The following FGF12 variants were observed in gnomAD, a reference collection of about 807,000 sequenced individuals.
FGF12 encodes fibroblast growth factor 12, also known as fibroblast growth factor 12B.
FGF12 carries 14 observed loss-of-function variants against 23.6 expected under a neutral mutation model. The ratio of observed to expected loss-of-function variants is 0.59; its 90% CI spans 0.39 to 0.93. FGF12 has a LOEUF of 0.93. FGF12 is among the 40% of genes least tolerant of loss of function. FGF12 has a pLI of 0.00. For missense variants in FGF12, 175 were observed against 217.8 expected (o/e 0.80, Z 1.24); for synonymous variants, 62 against 77.3 (o/e 0.80, Z 1.04).
chr3:192,645,874 C>T (rs977508602), intron 2 of FGF12, among the ~76,000 whole-genome samples: 9 of 148,106 alleles, frequency 6.1e-5, no homozygotes, highest in East Asian at 2.0e-4. Flanking sequence ...AACAAATTTA[C>T]GTTAAGTTCC....
intron 2 of FGF12, among the ~76,000 whole-genome samples, chr3:192,575,715 AT>A (rs547618188): frequency 2.0e-3 from 301 of 150,642 alleles, no homozygotes; most frequent in African/African-American, 6.4e-3. Context: ...ATTCAGACTG[AT>A]TTTTTTTTAA....
intron 4 of FGF12, among the ~76,000 whole-genome samples, chr3:192,270,629 T>A (rs1363653270): frequency 6.6e-6 from 1 of 152,150 alleles, no homozygotes; most frequent in African/African-American, 2.4e-5. Flanking sequence ...TATGTATCCT[T>A]CACTATTTCA....
At chr3:192,249,989 T>G (rs770061385) in intron 4 of FGF12, among the ~76,000 whole-genome samples, 3 of 152,154 alleles carry the variant, frequency 2.0e-5, no homozygotes, top group Non-Finnish European at 4.4e-5. Context: ...CAAGAGTGCT[T>G]TAGATATGGA....
intron 2 of FGF12, among the ~76,000 whole-genome samples, chr3:192,713,608 T>G (rs1461574862): frequency 6.6e-6 from 1 of 152,174 alleles, no homozygotes; most frequent in African/African-American, 2.4e-5. Context: ...AAGACACGAT[T>G]CACTGGGGTC....
At chr3:192,646,923 G>A (rs566229337) in intron 2 of FGF12, among the ~76,000 whole-genome samples, 37 of 152,166 alleles carry the variant, frequency 2.4e-4, no homozygotes, top group Non-Finnish European at 4.1e-4. Flanking sequence ...CTTGCATCCT[G>A]TTAGTGTCAA....
At chr3:192,599,763 GA>G (rs1365830985) in intron 2 of FGF12, among the ~76,000 whole-genome samples, 3 of 151,388 alleles carry the variant, frequency 2.0e-5, no homozygotes, top group African/African-American at 2.4e-5. Context: ...TCTAGAGGGA[GA>G]AAAAAATAAA....
chr3:192,685,114 C>T (rs980381877), intron 2 of FGF12, among the ~76,000 whole-genome samples: 5 of 151,998 alleles, frequency 3.3e-5, no homozygotes, highest in African/African-American at 1.2e-4. Flanking sequence ...TGCAGTGACA[C>T]GACCTCAGCT....
intron 2 of FGF12, among the ~76,000 whole-genome samples, chr3:192,695,025 T>C (rs376114726): frequency 6.6e-5 from 10 of 151,492 alleles, no homozygotes; most frequent in African/African-American, 2.2e-4. Flanking sequence ...TAGGTGTTCT[T>C]AACAAAAAAA....
intron 2 of FGF12, among the ~76,000 whole-genome samples, chr3:192,389,079 G>C (rs1720177846): frequency 6.6e-6 from 1 of 152,152 alleles, no homozygotes; most frequent in Admixed American, 6.5e-5. Flanking sequence ...TTAATACATG[G>C]CCGGGCGCGG....
At chr3:192,566,586 C>A (rs907567758) in intron 2 of FGF12, among the ~76,000 whole-genome samples, 1 of 152,140 alleles carries the variant, frequency 6.6e-6, no homozygotes, top group African/African-American at 2.4e-5. Flanking sequence ...AGGGCACATG[C>A]TTTTGTTTCT....
chr3:192,722,106 G>A (rs191032375), intron 2 of FGF12, among the ~76,000 whole-genome samples: 29 of 152,136 alleles, frequency 1.9e-4, no homozygotes, highest in East Asian at 9.7e-4. Context: ...GTGGCAACTC[G>A]GTATTTTAAA....
chr3:192,529,585 A>G (rs1463479543), intron 2 of FGF12, among the ~76,000 whole-genome samples: 1 of 152,172 alleles, frequency 6.6e-6, no homozygotes, highest in Non-Finnish European at 1.5e-5. Context: ...AATTTACTGT[A>G]TTAGTCCATT....
intron 2 of FGF12, among the ~76,000 whole-genome samples, chr3:192,369,566 G>A (rs909472058): frequency 6.6e-6 from 1 of 152,212 alleles, no homozygotes; most frequent in Admixed American, 6.5e-5. Context: ...CGGAGGGCAG[G>A]AAAACTGAGC....
At chr3:192,230,239 T>C (rs1374044577) in intron 4 of FGF12, among the ~76,000 whole-genome samples, 1 of 152,160 alleles carries the variant, frequency 6.6e-6, no homozygotes, top group Non-Finnish European at 1.5e-5. Flanking sequence ...AATGTTTTGA[T>C]ATCCCAATTA....
intron 3 of FGF12, among the ~76,000 whole-genome samples, chr3:192,359,923 A>G (rs1455570757): frequency 6.6e-6 from 1 of 150,558 alleles, no homozygotes; most frequent in East Asian, 1.9e-4. Context: ...AAAATCAGCA[A>G]TTTTGCCTTT....
At chr3:192,457,980 C>T (rs1204396566) in intron 2 of FGF12, among the ~76,000 whole-genome samples, 1 of 152,180 alleles carries the variant, frequency 6.6e-6, no homozygotes, top group Non-Finnish European at 1.5e-5. Flanking sequence ...CTAAAAGTGG[C>T]CAACATAAAG....
chr3:192,625,134 G>GTATT lies in FGF12; in HGVS notation c.13+102043_13+102046dup, dbSNP rs144126238. ...TTGCTTTTATAGATGATTCTATGAT[G>GTATT]TATTACTTTACATAATCATCTTTCA... On this transcript the variant is annotated intron_variant, in intron 2 of 5. Coordinates refer to ENST00000445105, the MANE Select transcript of FGF12 (RefSeq NM_004113.6). 7.2e-4 allele frequency among the ~76,000 whole-genome samples: 110 copies of GTATT among 152,214 alleles called. 2 individuals carry two copies. In the East Asian group the frequency reaches 0.019, roughly 26 times the overall value.
rs1379432862 is a variant in FGF12, at chr3:192,550,345, A to G, written c.13+176836T>C. ...ATTCCTTTCCTTCCTATATATGTGCATACATATATAATAGATTATATGTGT... is the reference window on the plus strand; with the variant it reads ...ATTCCTTTCCTTCCTATATATGTGCGTACATATATAATAGATTATATGTGT... On this transcript the variant is annotated intron_variant, in intron 2 of 5. Coordinates refer to ENST00000445105, the MANE Select transcript of FGF12 (RefSeq NM_004113.6). Among the ~76,000 whole-genome samples, 6 of 150,072 alleles carry G rather than the reference A, an allele frequency of 4.0e-5. No individual in the cohort carries two copies. In the East Asian group the frequency reaches 1.2e-3, roughly 29 times the overall value.
At chr3:192,332,445 T>A (rs1717172534) in intron 4 of FGF12, among the ~76,000 whole-genome samples, 1 of 152,076 alleles carries the variant, frequency 6.6e-6, no homozygotes, top group South Asian at 2.1e-4. Flanking sequence ...TACAAACTAT[T>A]ATGGTAAAAA....
Sources: allele counts gnomAD v4.1 joint callset (sites outside exome capture counted in the v4.1 genomes callset), GRCh38; gene constraint gnomAD v4.1.1; transcripts MANE v1.5; gene names NCBI Gene and HGNC (gene_info 2026-07-23, HGNC 2026-07-21).